The following HSD17B12 variants were observed in gnomAD, a reference collection of about 807,000 sequenced individuals.
HSD17B12 encodes the protein hydroxysteroid 17-beta dehydrogenase 12.
HSD17B12 carries 32 observed loss-of-function variants against 39.3 expected under a neutral mutation model. The ratio of observed to expected loss-of-function variants is 0.81; its 90% CI spans 0.61 to 1.09. The LOEUF (loss-of-function observed/expected upper bound fraction) is 1.09. Among genes scored for constraint, HSD17B12 ranks in the 50% least tolerant of loss-of-function variants. The pLI is 0.00. For synonymous variants in HSD17B12, 150 were observed against 146.7 expected, an observed-to-expected ratio of 1.02 and a Z score of -0.16; for missense variants, 342 against 382.9, an observed-to-expected ratio of 0.89 and a Z score of 0.89.
the HSD17B12 span, among the ~76,000 whole-genome samples, chr11:43,560,285 C>A: frequency 6.6e-6 from 1 of 152,284 alleles, no homozygotes; most frequent in Admixed American, 6.5e-5. Context: ...CTTCTTGATA[C>A]AAGCGCTTTG....
chr11:43,799,982 C>T (rs1950951230), intron 4 of HSD17B12, among the ~76,000 whole-genome samples: 1 of 152,208 alleles, frequency 6.6e-6, no homozygotes, highest in African/African-American at 2.4e-5. Flanking sequence ...TGAATGCAAA[C>T]ACAGGTCTGG....
chr11:43,738,417 G>A (rs946068220), intron 1 of HSD17B12, among the ~76,000 whole-genome samples: 3 of 133,238 alleles, frequency 2.3e-5, no homozygotes, highest in South Asian at 2.7e-4. Flanking sequence ...GTTGTTCCCC[G>A]GAAATCATCA....
the HSD17B12 span, among the ~76,000 whole-genome samples, chr11:43,657,819 C>G: frequency 6.6e-6 from 1 of 152,232 alleles, no homozygotes; most frequent in South Asian, 2.1e-4. Flanking sequence ...ACCTTTCTCT[C>G]TGGCTACCCT....
chr11:43,656,404 G>C, the HSD17B12 span, among the ~76,000 whole-genome samples: 3 of 152,068 alleles, frequency 2.0e-5, no homozygotes, highest in African/African-American at 7.2e-5. Flanking sequence ...ATTTCCTTCA[G>C]TTCTGCTCTG....
intron 1 of HSD17B12, among the ~76,000 whole-genome samples, chr11:43,744,421 A>G (rs910281710): frequency 6.6e-6 from 1 of 152,206 alleles, no homozygotes; most frequent in African/African-American, 2.4e-5. Context: ...TTAAAATGAT[A>G]CTTGCGTTAG....
intron 3 of HSD17B12, among the ~76,000 whole-genome samples, chr11:43,787,445 G>GTAAA (rs1950825671): frequency 6.6e-6 from 1 of 152,042 alleles, no homozygotes; most frequent in East Asian, 1.9e-4. Flanking sequence ...TGGCAATGAA[G>GTAAA]TAAATACTTG....
the HSD17B12 span, chr11:43,579,338 G>T: frequency 6.6e-6 from 1 of 152,268 alleles, no homozygotes; most frequent in African/African-American, 2.4e-5. Context: ...CCAAGATCGT[G>T]ACCCTCCCAC....
At chr11:43,718,861 GA>G in intron 1 of HSD17B12, 2 of 885,560 alleles carry the variant, frequency 2.3e-6, no homozygotes, top group Non-Finnish European at 3.8e-6. Context: ...AATATCCTCG[GA>G]AAAGCACCCT....
At chr11:43,598,018 C>T in the HSD17B12 span, among the ~76,000 whole-genome samples, 160 of 152,226 alleles carry the variant, frequency 1.1e-3, no homozygotes, top group African/African-American at 3.7e-3. Context: ...AGTATGATGA[C>T]ACCATTCATA....
intron 3 of HSD17B12, among the ~76,000 whole-genome samples, chr11:43,787,608 G>A (rs1365434903): frequency 6.6e-6 from 1 of 151,836 alleles, no homozygotes; most frequent in Non-Finnish European, 1.5e-5. Context: ...ATTGTGGCAG[G>A]CGCCTGTAAT....
At chr11:43,686,589 C>T (rs1590658732) in intron 1 of HSD17B12, among the ~76,000 whole-genome samples, 2 of 127,776 alleles carry the variant, frequency 1.6e-5, no homozygotes, top group South Asian at 5.6e-4. Flanking sequence ...CCATTGCTCC[C>T]ACCCTGTTTT....
At chr11:43,839,283 T>C (rs761016330) in intron 8 of HSD17B12, among the ~76,000 whole-genome samples, 1 of 152,286 alleles carries the variant, frequency 6.6e-6, no homozygotes, top group Non-Finnish European at 1.5e-5. Flanking sequence ...ATCTACTTTC[T>C]GTATCTGGGA....
In HSD17B12 at chr11:43,680,870, G is replaced by T; in HGVS notation, c.43G>T (p.Gly15Cys). 5.0e-6 allele frequency: 8 copies of T among 1,614,118 alleles called. No homozygotes were observed. The highest frequency in any genetic ancestry group is 6.8e-6 in the Non-Finnish European group (8 of 1,180,022). Residue 15 changes from glycine to cysteine, a missense_variant, in exon 1 of 11, where the codon GGC becomes TGC. Transcript: ENST00000278353. ...LPAAGFLYWVGAGTVAYLALR... is the reference protein window; with the variant it reads ...LPAAGFLYWVCAGTVAYLALR... ...CGCCGCCGGCTTCCTGTACTGGGTC[G>T]GCGCGGGCACCGTGGCCTACCTAGC...
chr11:43,695,504 G>A (rs1216103776), intron 1 of HSD17B12, among the ~76,000 whole-genome samples: 1 of 152,124 alleles, frequency 6.6e-6, no homozygotes, highest in Non-Finnish European at 1.5e-5. Context: ...CTTGAACCTG[G>A]GAGGCAGAGG....
intron 1 of HSD17B12, among the ~76,000 whole-genome samples, chr11:43,700,921 A>G (rs1162185997): frequency 1.3e-5 from 2 of 152,196 alleles, no homozygotes; most frequent in South Asian, 2.1e-4. Flanking sequence ...ACTGTTCTCC[A>G]TAGTGGTTGT....
the HSD17B12 span, among the ~76,000 whole-genome samples, chr11:43,671,475 C>T: frequency 6.6e-6 from 1 of 152,270 alleles, no homozygotes; most frequent in African/African-American, 2.4e-5. Flanking sequence ...GCCATCGCAC[C>T]TGGCCCCTTT....
chr11:43,709,270 C>T (rs149291734), intron 1 of HSD17B12, among the ~76,000 whole-genome samples: 203 of 152,262 alleles, frequency 1.3e-3, no homozygotes, highest in African/African-American at 4.7e-3. Context: ...GGATTACAGG[C>T]GCGCACCACC....
intron 3 of HSD17B12, among the ~76,000 whole-genome samples, chr11:43,758,806 C>A (rs1438818132): frequency 6.6e-6 from 1 of 152,188 alleles, no homozygotes; most frequent in South Asian, 2.1e-4. Context: ...GTGGGTACTT[C>A]ATTACAATTA....
upstream of HSD17B12, among the ~76,000 whole-genome samples, chr11:43,676,461 C>T (rs1392787110): frequency 6.6e-6 from 1 of 151,978 alleles, no homozygotes; most frequent in Middle Eastern, 3.2e-3. Context: ...GTAAAGAGAG[C>T]TGGGGTCTGA....
Sources: gnomAD v4.1 joint callset for allele counts (sites outside exome capture counted in the v4.1 genomes callset) on GRCh38, gnomAD v4.1.1 for gene constraint, MANE v1.5 for transcripts, NCBI Gene and HGNC (gene_info 2026-07-23, HGNC 2026-07-21) for gene names.